GLB1: variants seen among roughly 807,000 people sequenced by gnomAD.
GLB1 encodes the protein galactosidase beta 1, also known as beta-galactosidase.
In GLB1, 56 loss-of-function variants were observed where a neutral mutation model predicts 74.0. The ratio of observed to expected loss-of-function variants is 0.76; its 90% CI spans 0.61 to 0.94. The LOEUF is 0.94. Among genes scored for constraint, GLB1 ranks in the 40% least tolerant of loss-of-function variants. The probability of loss-of-function intolerance (pLI) is 0.00; values close to 1 mark genes in which losing one functional copy is unlikely to be tolerated. For synonymous variants in GLB1, 323 were observed against 323.6 expected, an observed-to-expected ratio of 1.00 and a Z score of 0.02; for missense variants, 787 against 845.5, an observed-to-expected ratio of 0.93 and a Z score of 0.86.
At chr3:33,090,376 A>C (rs1463544665) in intron 1 of GLB1, 1 of 985,032 alleles carries the variant, frequency 1.0e-6, no homozygotes, top group Non-Finnish European at 1.2e-6. Context: ...GAAAAGTTTA[A>C]AACAAACCAA....
chr3:32,981,597 A>C, the GLB1 span, among the ~76,000 whole-genome samples: 1 of 151,812 alleles, frequency 6.6e-6, no homozygotes, highest in East Asian at 1.9e-4. Flanking sequence ...AACATGAGGA[A>C]ACCTCGTTTC....
chr3:32,981,295 C>T, the GLB1 span, among the ~76,000 whole-genome samples: 5 of 143,942 alleles, frequency 3.5e-5, no homozygotes, highest in South Asian at 2.3e-4. Context: ...CCCAGCTACT[C>T]GGGAGGCTGA....
At chr3:33,033,837 G>A (rs1393554342) in intron 10 of GLB1, 2 of 349,930 alleles carry the variant, frequency 5.7e-6, no homozygotes, top group East Asian at 8.2e-5. Flanking sequence ...GAGCTGCCAC[G>A]TCCCTAGAGC....
chr3:33,092,181 G>T, intron 1 of GLB1: 1 of 985,730 alleles, frequency 1.0e-6, no homozygotes, highest in Non-Finnish European at 1.2e-6. Flanking sequence ...GCCCCCAAAG[G>T]CCCAGGAGCA....
At chr3:33,052,422 T>C (rs1699032073) in intron 7 of GLB1, among the ~76,000 whole-genome samples, 1 of 152,104 alleles carries the variant, frequency 6.6e-6, no homozygotes, top group Non-Finnish European at 1.5e-5. Flanking sequence ...TCACAAGGTC[T>C]AGAGATTGAG....
At chr3:33,088,961 C>A (rs1007609674) in intron 1 of GLB1, among the ~76,000 whole-genome samples, 2 of 152,046 alleles carry the variant, frequency 1.3e-5, no homozygotes, top group Non-Finnish European at 2.9e-5. Context: ...GGATAGAACA[C>A]CAAGAAACAA....
At chr3:33,015,879 C>G (rs1210076517) in intron 14 of GLB1, among the ~76,000 whole-genome samples, 1 of 152,234 alleles carries the variant, frequency 6.6e-6, no homozygotes, top group Non-Finnish European at 1.5e-5. Flanking sequence ...GCATTCTCTC[C>G]TCTCGCGGAG....
chr3:33,051,749 T>C lies in GLB1; in HGVS notation c.955+9A>G, dbSNP rs1177493472. 1.2e-6 allele frequency: 2 copies of C among 1,614,150 alleles called. No homozygotes were observed. Among genetic ancestry groups the C allele is most frequent in the Non-Finnish European group, 8.5e-7 (1 of 1,180,042 alleles). On this transcript the variant is annotated intron_variant, in intron 9 of 15. Transcript: ENST00000307363. ...GCATAAGTTTCTACAGATATTAAAG[T>C]GCTCTTACCATTCCAATAGGCAAAA...
intron 10 of GLB1, among the ~76,000 whole-genome samples, chr3:33,044,515 G>T (rs111432028): frequency 3.3e-5 from 5 of 152,200 alleles, no homozygotes; most frequent in Middle Eastern, 3.4e-3. Flanking sequence ...GGAACAGAAA[G>T]CTTCAAAACA....
chr3:33,056,398 T>C (rs1047101005), intron 6 of GLB1, among the ~76,000 whole-genome samples: 1 of 151,600 alleles, frequency 6.6e-6, no homozygotes, highest in Non-Finnish European at 1.5e-5. Context: ...AAGGAACTGG[T>C]CTTTTTTGTG....
chr3:33,043,771 G>GCAAGATACCTCAGAAAAATACCAAGCA (rs1553609468), intron 10 of GLB1, among the ~76,000 whole-genome samples: 1 of 82,258 alleles, frequency 1.2e-5, no homozygotes, highest in Non-Finnish European at 2.9e-5. Context: ...ACAGCATTGG[G>GCAAGATACCTCAGAAAAATACCAAGCA]AAAGATACCT....
chr3:33,032,774 C>T (rs1035332452), intron 10 of GLB1, among the ~76,000 whole-genome samples: 4 of 152,150 alleles, frequency 2.6e-5, no homozygotes, highest in Non-Finnish European at 5.9e-5. Flanking sequence ...ATGCCCCTGC[C>T]GTCATCTCAT....
chr3:33,095,853 C>A (rs557193211), intron 1 of GLB1, among the ~76,000 whole-genome samples: 4 of 152,200 alleles, frequency 2.6e-5, no homozygotes, highest in Non-Finnish European at 4.4e-5. Context: ...TAAGGTCCTA[C>A]GGGCCTTCTG....
At chr3:33,041,277 G>T (rs1698487751) in intron 10 of GLB1, among the ~76,000 whole-genome samples, 1 of 152,194 alleles carries the variant, frequency 6.6e-6, no homozygotes, top group Non-Finnish European at 1.5e-5. Context: ...TTATCTTCAA[G>T]AGAGTGACAG....
chr3:33,032,649 C>T (rs1698100134), intron 10 of GLB1, among the ~76,000 whole-genome samples: 1 of 152,080 alleles, frequency 6.6e-6, no homozygotes, highest in Non-Finnish European at 1.5e-5. Context: ...CCTTGATTTC[C>T]TGGCCTCAAG....
intron 1 of GLB1, chr3:33,091,819 G>A (rs1700775770): frequency 3.0e-6 from 3 of 985,360 alleles, no homozygotes; most frequent in South Asian, 4.7e-5. Context: ...CAGGAAACCA[G>A]CCCAGCCCTG....
At chr3:33,087,137 A>G (rs1700537907) in intron 1 of GLB1, among the ~76,000 whole-genome samples, 1 of 152,220 alleles carries the variant, frequency 6.6e-6, no homozygotes, top group Non-Finnish European at 1.5e-5. Flanking sequence ...TAGCATGAAC[A>G]ACTGTATGCC....
Position 33,016,766 on chromosome 3 carries a change from G to C in GLB1, c.1422C>G (p.Asp474Glu), listed in dbSNP as rs1697251828. Residue 474 changes from aspartate (D) to glutamate (E), a missense_variant, in exon 14 of 16, where the codon GAC becomes GAG. By Grantham distance (45) the Asp-to-Glu change is conservative (BLOSUM62 2). Coordinates refer to ENST00000307363, the MANE Select transcript of GLB1 (RefSeq NM_000404.4). The part of the protein sequence containing the change: ...NITGKAGATL[D>E]LLVENMGRVN... ...CACGTCCCATGTTCTCTACCAGAAG[G>C]TCCAGAGTGGCTCCAGCTTTCCCTG... The C allele has an allele frequency of 6.2e-7, 1 of 1,614,130 alleles. No individual in the cohort carries two copies. Among genetic ancestry groups the C allele is most frequent in the East Asian group, 2.2e-5 (1 of 44,882 alleles).
At chr3:33,015,373 T>C (rs1697199231) in intron 14 of GLB1, among the ~76,000 whole-genome samples, 1 of 151,972 alleles carries the variant, frequency 6.6e-6, no homozygotes, top group Non-Finnish European at 1.5e-5. Context: ...CTTAAGAGGA[T>C]AGGAAGGTAA....
Sources: allele counts gnomAD v4.1 joint callset (sites outside exome capture counted in the v4.1 genomes callset), GRCh38; gene constraint gnomAD v4.1.1; transcripts MANE v1.5; gene names NCBI Gene and HGNC (gene_info 2026-07-23, HGNC 2026-07-21).